RAI14: variants seen among roughly 807,000 people sequenced by gnomAD.
RAI14 encodes ankycorbin.
In RAI14, 45 loss-of-function variants were observed where a neutral mutation model predicts 115.4. The observed-to-expected ratio is 0.39, with a 90% CI of 0.31 to 0.50. The LOEUF is 0.50. RAI14 is among the 20% of genes least tolerant of loss of function. RAI14 has a pLI of 0.85. For missense variants in RAI14, 939 were observed against 1,131.2 expected (o/e 0.83, Z 2.44); for synonymous variants, 371 against 415.4 (o/e 0.89, Z 1.30).
chr5:34,698,436 C>T (rs953493893), intron 2 of RAI14, among the ~76,000 whole-genome samples: 2 of 151,724 alleles, frequency 1.3e-5, no homozygotes, highest in Non-Finnish European at 2.9e-5. Flanking sequence ...TCAAAACGTC[C>T]CATCTAGTTA....
chr5:34,708,540 A>G (rs1043801942), intron 2 of RAI14, among the ~76,000 whole-genome samples: 1 of 152,202 alleles, frequency 6.6e-6, no homozygotes, highest in Non-Finnish European at 1.5e-5. Context: ...GAGTTCTGAC[A>G]GTATAATCAT....
chr5:34,660,480 T>A (rs373575723), intron 1 of RAI14, among the ~76,000 whole-genome samples: 55 of 152,260 alleles, frequency 3.6e-4, no homozygotes, highest in African/African-American at 1.2e-3. Flanking sequence ...ATTGTAAAAT[T>A]GAAGCATGAG....
rs924386825 is a variant in RAI14, at chr5:34,699,507, T to C, written c.36+12552T>C. On this transcript the variant is annotated intron_variant, in intron 2 of 17. Transcript: ENST00000265109. ...TTGTATAGCGTTTTCCCTGTTTGCA[T>C]GTTTGTTACCAAATTTCCCCTTTAA... Among the ~76,000 whole-genome samples the C allele has an allele frequency of 5.9e-4, 90 of 152,218 alleles. 3 individuals carry two copies. The highest frequency in any genetic ancestry group is 7.2e-4 in the Admixed American group (11 of 15,286).
At position 34,811,059 on chromosome 5, in the gene RAI14, G is replaced by A. The variant is rs779206335; in HGVS notation, c.498G>A (p.Glu166=). The A allele has an allele frequency of 1.2e-6, 2 of 1,614,128 alleles. No homozygotes were observed. The highest frequency in any genetic ancestry group is 1.7e-6 in the Non-Finnish European group (2 of 1,180,020). The change falls in exon 8 of 18, where the codon GAG becomes GAA. Residue 166 remains glutamate (E), a synonymous_variant. Transcript: ENST00000265109. ...LLLAVQNGHS[E]ICHFLLDHGA... ...TTGCTGTACAAAATGGTCACAGTGA[G>A]ATCTGTCACTTTCTCCTGGATCATG...
rs1008444380 is a variant in RAI14 at position 34,827,999 on chromosome 5, T to G, written c.2799+1520T>G. On this transcript the variant is annotated intron_variant, in intron 16 of 17. Transcript: ENST00000265109. The surrounding 1 kb of genome is among the most constrained non-coding windows in gnomAD (Gnocchi z 4.2). ...TCTTGAAGGCCTGAGTAAGAATATG[T>G]TGTTACTTAGCAAGGACTGACATAT... Among the ~76,000 whole-genome samples, 1 of 152,206 alleles carries G rather than the reference T, an allele frequency of 6.6e-6. No individual in the cohort carries two copies. The highest frequency in any genetic ancestry group is 1.5e-5 in the Non-Finnish European group (1 of 68,032).
At position 34,753,689 on chromosome 5, in the gene RAI14, G is replaced by A. The variant is rs150394314; in HGVS notation, c.37-3779G>A. Among the ~76,000 whole-genome samples, 168 of 152,226 alleles carry A rather than the reference G, an allele frequency of 1.1e-3. 3 individuals carry two copies. In the East Asian group the frequency reaches 0.029, roughly 26 times the overall value. On this transcript the variant is annotated intron_variant, in intron 2 of 17. Transcript: ENST00000265109. ...CCAGCACTTTGGGAGGCCACGGTGG[G>A]CAGATCACGAGGTCAAGCGCTCAAG...
chr5:34,665,493 C>CTTT (rs761118730), intron 1 of RAI14, among the ~76,000 whole-genome samples: 1 of 134,660 alleles, frequency 7.4e-6, no homozygotes, highest in Non-Finnish European at 1.6e-5. Flanking sequence ...ATTTTTTTTT[C>CTTT]TTTTTTTTTT....
At chr5:34,778,266 T>G (rs11949850) in intron 3 of RAI14, among the ~76,000 whole-genome samples, 38,462 of 152,188 alleles carry the variant, frequency 0.25, 5,626 homozygotes, top group Non-Finnish European at 0.31. Context: ...ATCTTGTAAA[T>G]GCAGCTTTTG....
intron 2 of RAI14, among the ~76,000 whole-genome samples, chr5:34,741,697 G>C (rs1406174132): frequency 2.0e-5 from 3 of 152,134 alleles, no homozygotes; most frequent in Non-Finnish European, 4.4e-5. Context: ...GCCTTGAATG[G>C]GGGCATGGAA....
intron 3 of RAI14, among the ~76,000 whole-genome samples, chr5:34,792,235 CTTTTTTTTT>C (rs55986330): frequency 7.8e-5 from 10 of 127,482 alleles, no homozygotes; most frequent in African/African-American, 3.0e-4. Flanking sequence ...TTTCTTTTTT[CTTTTTTTTT>C]TTTTTTTGAG....
chr5:34,741,914 G>A (rs1310699861), intron 2 of RAI14, among the ~76,000 whole-genome samples: 4 of 152,194 alleles, frequency 2.6e-5, no homozygotes, highest in Non-Finnish European at 5.9e-5. Context: ...ATGGTTTTAT[G>A]AAGAATCCAC....
chr5:34,798,085 G>A (rs1003935755), intron 4 of RAI14, among the ~76,000 whole-genome samples: 1 of 152,100 alleles, frequency 6.6e-6, no homozygotes, highest in Non-Finnish European at 1.5e-5. Context: ...GCCCAGGCTG[G>A]AGTGCACTGG....
chr5:34,665,897 T>C (rs1743164063), intron 1 of RAI14, among the ~76,000 whole-genome samples: 2 of 152,240 alleles, frequency 1.3e-5, no homozygotes, highest in Non-Finnish European at 2.9e-5. Flanking sequence ...TTTTATACTC[T>C]CAATTTGAAA....
chr5:34,768,962 T>C (rs111505973), intron 3 of RAI14, among the ~76,000 whole-genome samples: 62 of 151,698 alleles, frequency 4.1e-4, no homozygotes, highest in African/African-American at 1.4e-3. Context: ...GCACTCCAGC[T>C]TGGATGACAG....
chr5:34,761,852 G>A (rs908001742), intron 3 of RAI14, among the ~76,000 whole-genome samples: 1 of 151,648 alleles, frequency 6.6e-6, no homozygotes, highest in African/African-American at 2.4e-5. Flanking sequence ...TGATTTGAAC[G>A]CTTGGCCTCA....
intron 1 of RAI14, among the ~76,000 whole-genome samples, chr5:34,665,168 TATATAC>T (rs1444071438): frequency 3.9e-4 from 12 of 30,970 alleles, no homozygotes; most frequent in South Asian, 4.3e-3. Context: ...TGTATATATA[TATATAC>T]ACACATATAT....
At position 34,823,901 on chromosome 5, in the gene RAI14, T is replaced by C. The variant is rs375879326; in HGVS notation, c.2059T>C (p.Leu687=). ...AGCAGAGCATGAGAAACTGATGCAATTGACAAACGTGTCCAGGGCTAAAGC... is the reference window on the plus strand; with the variant it reads ...AGCAGAGCATGAGAAACTGATGCAACTGACAAACGTGTCCAGGGCTAAAGC... ...HKAEHEKLMQ[L]TNVSRAKAED... is the part of the protein sequence containing the mutation. Residue 687 remains leucine, a synonymous_variant, in exon 15 of 18, where the codon TTG becomes CTG. Transcript: ENST00000265109. This position sits in a 1 kb window ranked among gnomAD's most constrained non-coding sequence, Gnocchi z 4.5. The C allele has an allele frequency of 5.6e-6, 9 of 1,614,014 alleles. No homozygotes were observed. Among genetic ancestry groups the C allele is most frequent in the Non-Finnish European group, 6.8e-6 (8 of 1,180,026 alleles).
At chr5:34,687,681 G>C (rs1456362175) in intron 2 of RAI14, 1 of 1,551,586 alleles carries the variant, frequency 6.4e-7, no homozygotes, top group Admixed American at 2.0e-5. Flanking sequence ...CAGAGTTGTG[G>C]AGTGGGAGAA....
intron 2 of RAI14, among the ~76,000 whole-genome samples, chr5:34,701,973 C>T (rs535780762): frequency 2.6e-5 from 4 of 152,158 alleles, no homozygotes; most frequent in African/African-American, 7.2e-5. Context: ...CTACCACGCC[C>T]GGCTAATTTT....
Sources: allele counts gnomAD v4.1 joint callset (sites outside exome capture counted in the v4.1 genomes callset), GRCh38; gene constraint gnomAD v4.1.1; non-coding constraint Gnocchi (gnomAD v3.1); transcripts MANE v1.5; gene names NCBI Gene and HGNC (gene_info 2026-07-23, HGNC 2026-07-21).